WNK3: variants seen among roughly 807,000 people sequenced by gnomAD.
The protein encoded by WNK3 is WNK lysine deficient protein kinase 3.
A neutral mutation model predicts 116.7 loss-of-function variants in WNK3; 18 were observed. The ratio of observed to expected loss-of-function variants is 0.15; its 90% CI spans 0.11 to 0.23. The LOEUF (loss-of-function observed/expected upper bound fraction) is 0.23. WNK3 is among the 10% of genes least tolerant of loss of function. WNK3 has a pLI of 1.00. For missense variants in WNK3, 993 were observed against 1,323.8 expected, an observed-to-expected ratio of 0.75 and a Z score of 3.88; for synonymous variants, 404 against 469.4, an observed-to-expected ratio of 0.86 and a Z score of 1.80.
At chrX:54,334,657 T>C (rs782550287) in intron 1 of WNK3, among the ~76,000 whole-genome samples, 1 of 112,577 alleles carries the variant, frequency 8.9e-6, no homozygotes, top group African/African-American at 3.2e-5. Flanking sequence ...ATTGTGAATG[T>C]TGCTGCTATA....
chrX:54,259,048 TATAA>T (rs1345044404), intron 11 of WNK3, among the ~76,000 whole-genome samples: 23 of 103,539 alleles, frequency 2.2e-4, no homozygotes, highest in African/African-American at 7.4e-4. Flanking sequence ...AACAGAATGG[TATAA>T]ATAAACACAA....
At chrX:54,259,030 T>C (rs1300654774) in intron 11 of WNK3, among the ~76,000 whole-genome samples, 2 of 109,186 alleles carry the variant, frequency 1.8e-5, no homozygotes, top group Non-Finnish European at 3.8e-5. Flanking sequence ...CTTACCAGCT[T>C]TTCCTAGAAC....
At chrX:54,262,653 A>G (rs1272315486) in intron 10 of WNK3, among the ~76,000 whole-genome samples, 2 of 111,058 alleles carry the variant, frequency 1.8e-5, no homozygotes, top group Non-Finnish European at 3.8e-5. Flanking sequence ...AACATTAAAC[A>G]TATATAATAA....
At chrX:54,294,832 A>G in exon 8 of WNK3, 1 of 1,194,501 alleles carries the variant, frequency 8.4e-7, no homozygotes, top group Non-Finnish European at 1.1e-6. Flanking sequence ...CTTTCATGGA[A>G]GAACCCAGAC....
exon 24 of WNK3, chrX:54,193,777 A>G (rs1174307062): frequency 7.2e-5 from 8 of 111,371 alleles, no homozygotes; most frequent in Non-Finnish European, 1.5e-4. Context: ...GAGTGTTACT[A>G]TCTTACGATC....
intron 10 of WNK3, among the ~76,000 whole-genome samples, chrX:54,273,572 C>A (rs1244827209): frequency 8.9e-6 from 1 of 112,011 alleles, no homozygotes; most frequent in African/African-American, 3.2e-5. Flanking sequence ...AGAATAAAGT[C>A]ATAACATCCC....
chrX:54,352,027 A>T (rs182064354), intron 1 of WNK3, among the ~76,000 whole-genome samples: 2,248 of 111,943 alleles, frequency 0.02, 57 homozygotes, highest in African/African-American at 0.07. Flanking sequence ...TATATTTTTT[A>T]AAAAACTCTT....
chrX:54,295,928 A>AT, intron 7 of WNK3, among the ~76,000 whole-genome samples: 1 of 110,802 alleles, frequency 9.0e-6, no homozygotes, highest in Middle Eastern at 4.6e-3. Flanking sequence ...GGCTCAAGCA[A>AT]TCCTCTCACC....
intron 5 of WNK3, among the ~76,000 whole-genome samples, chrX:54,302,497 C>T (rs1359958982): frequency 9.2e-6 from 1 of 108,359 alleles, no homozygotes; most frequent in Non-Finnish European, 1.9e-5. Context: ...GACGGGGTTT[C>T]ACCATGTTGG....
intron 22 of WNK3, among the ~76,000 whole-genome samples, chrX:54,221,289 T>C (rs892428523): frequency 1.3e-4 from 15 of 112,136 alleles, no homozygotes; most frequent in African/African-American, 4.5e-4. Flanking sequence ...TGAAGAGAAC[T>C]ACATAGGTAA....
At chrX:54,238,774 A>G (rs782807194) in intron 18 of WNK3, 94 bp downstream of exon 18, 1 of 708,471 alleles carries the variant, frequency 1.4e-6, no homozygotes, top group East Asian at 3.6e-5. Context: ...GGCTATGTGG[A>G]AAAAGTGGCA....
At chrX:54,224,024 G>A in intron 22 of WNK3, 1 of 129,282 alleles carries the variant, frequency 7.7e-6, no homozygotes, top group Non-Finnish European at 1.6e-5. Flanking sequence ...AAAATCTCTG[G>A]CTCTCATTGC....
intron 1 of WNK3, among the ~76,000 whole-genome samples, chrX:54,337,534 G>C (rs782017609): frequency 9.6e-5 from 9 of 93,453 alleles, no homozygotes; most frequent in African/African-American, 3.1e-4. Context: ...ACGCTAGCCT[G>C]GGCGACAGAG....
At chrX:54,332,453 A>G (rs1261228207) in intron 2 of WNK3, among the ~76,000 whole-genome samples, 1 of 112,378 alleles carries the variant, frequency 8.9e-6, no homozygotes. Flanking sequence ...CACACTGAAT[A>G]TATTTCCCTA....
exon 24 of WNK3, chrX:54,192,991 G>C (rs1341262328): frequency 9.4e-6 from 1 of 106,893 alleles, no homozygotes; most frequent in Non-Finnish European, 1.9e-5. Context: ...GACAGTTGCT[G>C]AAAGGCAGAT....
At chrX:54,300,011 C>G (rs782588661) in intron 6 of WNK3, among the ~76,000 whole-genome samples, 1 of 110,246 alleles carries the variant, frequency 9.1e-6, no homozygotes, top group African/African-American at 3.3e-5. Context: ...AGGCACCCAC[C>G]ACCACGCCCA....
chrX:54,279,778 G>C (rs1557161916), intron 10 of WNK3, among the ~76,000 whole-genome samples: 1 of 111,478 alleles, frequency 9.0e-6, no homozygotes, highest in Non-Finnish European at 1.9e-5. Context: ...CTTGATTATG[G>C]CATACATCTG....
chrX:54,230,148 G>GA (rs782401702), intron 21 of WNK3, among the ~76,000 whole-genome samples: 131 of 111,036 alleles, frequency 1.2e-3, no homozygotes, highest in Middle Eastern at 4.7e-3. Context: ...CAAAAATACA[G>GA]AAAAAACTCT....
At chrX:54,350,052 G>A (rs1174163216) in intron 1 of WNK3, among the ~76,000 whole-genome samples, 1 of 111,633 alleles carries the variant, frequency 9.0e-6, no homozygotes, top group African/African-American at 3.2e-5. Flanking sequence ...TATCAATTTT[G>A]AGGAGTGGTA....
Sources: allele counts gnomAD v4.1 joint callset (sites outside exome capture counted in the v4.1 genomes callset), GRCh38; gene constraint gnomAD v4.1.1; transcripts MANE v1.5; gene names NCBI Gene and HGNC (gene_info 2026-07-23, HGNC 2026-07-21).